The following AGPAT2 variants were observed in gnomAD, a reference collection of about 807,000 sequenced individuals.
AGPAT2 encodes the protein 1-acyl-sn-glycerol-3-phosphate acyltransferase beta.
In AGPAT2, 18 loss-of-function variants were observed where a neutral mutation model predicts 26.1. The ratio of observed to expected loss-of-function variants is 0.69; its 90% confidence interval spans 0.48 to 1.02. The LOEUF (loss-of-function observed/expected upper bound fraction) is 1.02, where lower values mean the gene tolerates loss of function less well. AGPAT2 is among the 50% of genes least tolerant of loss of function. The pLI, the probability that AGPAT2 is intolerant of heterozygous loss-of-function variation, is 0.00. For missense variants in AGPAT2, 415 were observed against 394.9 expected, an observed-to-expected ratio of 1.05 and a Z score of -0.43; for synonymous variants, 200 against 174.2, an observed-to-expected ratio of 1.15 and a Z score of -1.16.
intron 3 of AGPAT2, 89 bp from the exon 4 acceptor site, chr9:136,676,769 G>T: frequency 7.2e-7 from 1 of 1,388,350 alleles, no homozygotes; most frequent in Non-Finnish European, 1.0e-6. Flanking sequence ...GCCCCACTTC[G>T]CAAAGCAGCT....
At chr9:136,682,540 G>A (rs920863237) in intron 1 of AGPAT2, among the ~76,000 whole-genome samples, 7 of 152,220 alleles carry the variant, frequency 4.6e-5, no homozygotes, top group East Asian at 3.8e-4. Flanking sequence ...CAAGGTTGCC[G>A]GAAGCCTGGA....
In AGPAT2 at chr9:136,673,860, C is replaced by G; in HGVS notation, c.729G>C (p.Ala243=). 1 of 1,605,008 alleles carries G rather than the reference C, an allele frequency of 6.2e-7. No homozygotes were observed. The highest frequency in any genetic ancestry group is 8.5e-7 in the Non-Finnish European group (1 of 1,177,402). Residue 243 remains alanine, a synonymous_variant, in exon 6 of 6, where the codon GCG becomes GCC. Coordinates refer to ENST00000371696, the MANE Select transcript of AGPAT2 (RefSeq NM_006412.4). The part of the protein sequence containing the change: ...TSGLTAADVP[A]LVDTCHRAMR... ...TGGCCCGGTGGCAGGTGTCCACGAGCGCAGGGACGTCCGCCGCAGTGAGGC... is the reference window on the plus strand; with the variant it reads ...TGGCCCGGTGGCAGGTGTCCACGAGGGCAGGGACGTCCGCCGCAGTGAGGC...
At position 136,679,172 on chromosome 9, in the gene AGPAT2, T is replaced by C. The variant is rs950523088; in HGVS notation, c.183-1616A>G. On this transcript the variant is annotated intron_variant, in intron 1 of 5. Transcript: ENST00000371696. ...GTGTCTAGCAGCCATCTCCTCCCTC[T>C]ATCTCCAGAACTCTCCACCTTCTCT... Among the ~76,000 whole-genome samples the C allele has an allele frequency of 4.6e-5, 7 of 152,216 alleles. No individual in the cohort carries two copies. In the South Asian group the frequency reaches 1.5e-3, roughly 32 times the overall value.
intron 1 of AGPAT2, among the ~76,000 whole-genome samples, chr9:136,678,914 C>T (rs1281485294): frequency 2.6e-5 from 4 of 152,078 alleles, no homozygotes; most frequent in Admixed American, 1.3e-4. Flanking sequence ...CACCACACCT[C>T]GCTAGTTTTT....
chr9:136,686,159 G>A (rs1380574478), intron 1 of AGPAT2, among the ~76,000 whole-genome samples: 1 of 152,228 alleles, frequency 6.6e-6, no homozygotes, highest in Non-Finnish European at 1.5e-5. Context: ...CGTTCCAGCA[G>A]CCTCAGTGCC....
At chr9:136,678,622 C>G (rs1470855122) in intron 1 of AGPAT2, among the ~76,000 whole-genome samples, 1 of 152,144 alleles carries the variant, frequency 6.6e-6, no homozygotes, top group Non-Finnish European at 1.5e-5. Flanking sequence ...GATCCCCCAG[C>G]AGTCCTAAGG....
At chr9:136,674,147 G>A (rs1478548925) in intron 5 of AGPAT2, among the ~76,000 whole-genome samples, 5 of 152,182 alleles carry the variant, frequency 3.3e-5, no homozygotes, top group Admixed American at 6.5e-5. Context: ...CCGCATTTTC[G>A]ACAAGTCTGC....
intron 1 of AGPAT2, among the ~76,000 whole-genome samples, chr9:136,685,913 C>T (rs1399155206): frequency 6.6e-6 from 1 of 152,256 alleles, no homozygotes; most frequent in Admixed American, 6.5e-5. Context: ...GCCTTCCTCG[C>T]TGAAGGGTGC....
intron 2 of AGPAT2, 30 bp downstream of exon 2, chr9:136,677,393 C>T (rs756600191): frequency 1.9e-6 from 3 of 1,612,916 alleles, no homozygotes; most frequent in Non-Finnish European, 2.5e-6. Flanking sequence ...CCACTCAAAC[C>T]CCAGAAGCCA....
Position 136,673,890 on chromosome 9 carries a change from G to A in AGPAT2, c.699C>T (p.Thr233=). 1 of 1,599,098 alleles carries A rather than the reference G, an allele frequency of 6.3e-7. No homozygotes were observed. The highest frequency in any genetic ancestry group is 8.5e-7 in the Non-Finnish European group (1 of 1,173,910). Residue 233 remains threonine (T), a synonymous_variant, in exon 6 of 6, where the codon ACC becomes ACT. Transcript: ENST00000371696. ...VTVQVLEAIP[T]SGLTAADVPA... is the part of the protein sequence containing the mutation. ...GGACGTCCGCCGCAGTGAGGCCGCT[G>A]GTGGGGATGGCTTCCAGCACCTGCA...
At chr9:136,683,273 C>T (rs1246193023) in intron 1 of AGPAT2, among the ~76,000 whole-genome samples, 1 of 152,160 alleles carries the variant, frequency 6.6e-6, no homozygotes, top group East Asian at 1.9e-4. Flanking sequence ...CTCAATGTGC[C>T]TAAGCCCCCA....
intron 4 of AGPAT2, among the ~76,000 whole-genome samples, chr9:136,675,669 C>G (rs1319190831): frequency 6.6e-6 from 1 of 152,100 alleles, no homozygotes; most frequent in Non-Finnish European, 1.5e-5. Flanking sequence ...ATCACAGCCG[C>G]CCGTCTCCCC....
At position 136,687,166 on chromosome 9, in the gene AGPAT2, C is replaced by A. The variant is rs770049279; in HGVS notation, c.182+10G>T. The A allele has an allele frequency of 3.2e-6, 5 of 1,582,276 alleles. No homozygotes were observed. Among genetic ancestry groups the A allele is most frequent in the Non-Finnish European group, 4.3e-6 (5 of 1,170,162 alleles). ...GTTCCCCGGCCCCTCCCGGCGGCCCCCGGCCTTGCCTCATGTTCTCCACCG... is the reference window on the plus strand; with the variant it reads ...GTTCCCCGGCCCCTCCCGGCGGCCCACGGCCTTGCCTCATGTTCTCCACCG... On this transcript the variant is annotated intron_variant, in intron 1 of 5. Coordinates refer to ENST00000371696, the MANE Select transcript of AGPAT2 (RefSeq NM_006412.4).
intron 2 of AGPAT2, 73 bp from the exon 3 acceptor site, chr9:136,677,209 C>T: frequency 6.4e-7 from 1 of 1,573,304 alleles, no homozygotes; most frequent in South Asian, 1.1e-5. Context: ...GCTGAGCACC[C>T]ACAGGCCTGC....
At chr9:136,680,674 A>AT (rs1198299839) in intron 1 of AGPAT2, among the ~76,000 whole-genome samples, 1,622 of 151,278 alleles carry the variant, frequency 0.011, 36 homozygotes, top group African/African-American at 0.036. Flanking sequence ...ATCTTCATTT[A>AT]TTTTTTATTT....
chr9:136,682,153 A>G (rs1846168952), intron 1 of AGPAT2, among the ~76,000 whole-genome samples: 1 of 152,288 alleles, frequency 6.6e-6, no homozygotes, highest in South Asian at 2.1e-4. Flanking sequence ...GAGCTGGCAG[A>G]GTCGTGCTGG....
At chr9:136,685,181 T>G (rs185081371) in intron 1 of AGPAT2, among the ~76,000 whole-genome samples, 6 of 152,338 alleles carry the variant, frequency 3.9e-5, no homozygotes, top group Admixed American at 3.9e-4. Context: ...GCACCTGCTG[T>G]TAGTAGCCAG....
chr9:136,683,916 C>A (rs1738735671), intron 1 of AGPAT2, among the ~76,000 whole-genome samples: 1 of 152,232 alleles, frequency 6.6e-6, no homozygotes, highest in Non-Finnish European at 1.5e-5. Flanking sequence ...CTGGGTCAAA[C>A]CTTGCCCGAC....
intron 1 of AGPAT2, among the ~76,000 whole-genome samples, chr9:136,681,253 C>T (rs959277359): frequency 5.3e-5 from 8 of 152,242 alleles, no homozygotes; most frequent in Non-Finnish European, 2.9e-5. Context: ...GCCCCTGGTC[C>T]TCAGGCCAGA....
Sources: allele counts gnomAD v4.1 joint callset (sites outside exome capture counted in the v4.1 genomes callset), GRCh38; gene constraint gnomAD v4.1.1; transcripts MANE v1.5; gene names NCBI Gene and HGNC (gene_info 2026-07-23, HGNC 2026-07-21).